The following STAB2 variants were observed in gnomAD, a reference collection of about 807,000 sequenced individuals.
STAB2 encodes the protein stabilin 2, also known as stabilin-2.
Under a neutral mutation model 338.1 loss-of-function variants are expected in STAB2, and 288 were observed. The ratio of observed to expected loss-of-function variants is 0.85; its 90% CI spans 0.77 to 0.94. The LOEUF (loss-of-function observed/expected upper bound fraction) is 0.94, where lower values mean the gene tolerates loss of function less well. Among genes scored for constraint, STAB2 ranks in the 40% least tolerant of loss-of-function variants. The pLI, the probability that STAB2 is intolerant of heterozygous loss-of-function variation, is 0.00. For synonymous variants in STAB2, 1,202 were observed against 1,193.3 expected (o/e 1.01, Z -0.15); for missense variants, 3,141 against 3,210.1 (o/e 0.98, Z 0.52).
intron 44 of STAB2, among the ~76,000 whole-genome samples, chr12:103,720,658 A>G (rs2139038403): frequency 6.6e-6 from 1 of 152,356 alleles, no homozygotes; most frequent in South Asian, 2.1e-4. Flanking sequence ...AAGTCCTACC[A>G]ACAAGGACTG....
In STAB2 at chr12:103,668,732, G is replaced by A. The variant is rs1201204709; in HGVS notation, c.2172+3G>A. ...GGTACTGCAATGCCACTGTGAAGGT[G>A]AGGAGCGCGTGGCCGAGGCCCAGTC... On this transcript the variant is annotated splice_donor_region_variant and intron_variant, in intron 20 of 68. Transcript: ENST00000388887. The A allele has an allele frequency of 5.2e-6, 8 of 1,541,316 alleles. No homozygotes were observed. The highest frequency in any genetic ancestry group is 6.1e-6 in the Non-Finnish European group (7 of 1,140,014).
Position 103,662,978 on chromosome 12 carries a change from A to G in STAB2, c.2002A>G (p.Thr668Ala). 3.1e-6 allele frequency: 5 copies of G among 1,614,134 alleles called. No homozygotes were observed. Among genetic ancestry groups the G allele is most frequent in the Non-Finnish European group, 4.2e-6 (5 of 1,180,006 alleles). Residue 668 changes from threonine to alanine, a missense_variant, in exon 18 of 69, where the codon ACA becomes GCA. Physicochemically the swap from Thr to Ala is moderately conservative, Grantham distance 58. Transcript: ENST00000388887. ...VPILPHRCDE[T>A]KREMKLGTCV... is the part of the protein sequence containing the mutation. ...GATTCTGCCCCATCGATGTGATGAA[A>G]CAAAGAGAGAGATGAAACTGGTAAG...
chr12:103,703,014 A>T, intron 34 of STAB2, 134 bp from the exon 35 acceptor site: 2 of 1,055,534 alleles, frequency 1.9e-6, no homozygotes, highest in Non-Finnish European at 2.6e-6. Context: ...TTTCCAATAC[A>T]AGTGACTATT....
chr12:103,763,851 G>A (rs1207613236), intron 68 of STAB2: 3 of 371,450 alleles, frequency 8.1e-6, no homozygotes, highest in Admixed American at 8.7e-5. Flanking sequence ...AGAACAAGAG[G>A]TTGTTATCCA....
intron 3 of STAB2, among the ~76,000 whole-genome samples, chr12:103,594,745 G>A (rs1302093886): frequency 1.3e-5 from 2 of 152,136 alleles, no homozygotes; most frequent in Admixed American, 6.6e-5. Flanking sequence ...CAGAAAAAGG[G>A]ACAATTGAAA....
At chr12:103,660,637 C>T (rs376086874) in intron 16 of STAB2, 46 bp from the exon 17 acceptor site, 2 of 1,584,418 alleles carry the variant, frequency 1.3e-6, no homozygotes, top group Non-Finnish European at 8.7e-7. Context: ...CAGGGCCCTG[C>T]GTGTGGTCCC....
At chr12:103,742,372 A>G (rs1882652284) in intron 55 of STAB2, 33 bp from the exon 56 acceptor site, 1 of 1,609,606 alleles carries the variant, frequency 6.2e-7, no homozygotes, top group South Asian at 1.1e-5. Context: ...GCTTTGGGAG[A>G]CTGTTGAGTC....
intron 59 of STAB2, among the ~76,000 whole-genome samples, chr12:103,749,872 A>AAG (rs58406423): frequency 2.3e-5 from 3 of 131,478 alleles, no homozygotes; most frequent in Non-Finnish European, 3.2e-5. Flanking sequence ...AAAAAAAAAA[A>AAG]GCTGGTAAGA....
In STAB2 at chr12:103,676,000, T is replaced by A. The variant is rs781070181; in HGVS notation, c.2625T>A (p.Thr875=). 9 of 1,608,708 alleles carry A rather than the reference T, an allele frequency of 5.6e-6. No individual in the cohort carries two copies. In the East Asian group the frequency reaches 1.8e-4, roughly 32 times the overall value. ...CSEMDPCTGL[T]PGGCSRNAEC... is the part of the protein sequence containing the mutation. ...AGATGGACCCTTGCACAGGACTAAC[T>A]CCAGGAGGCTGTAGCCGCAATGTGA... is the stretch of plus-strand genomic sequence containing the variant. Residue 875 remains threonine (T), a synonymous_variant, in exon 24 of 69, where the codon ACT becomes ACA. Coordinates refer to ENST00000388887, the MANE Select transcript of STAB2 (RefSeq NM_017564.10).
intron 3 of STAB2, among the ~76,000 whole-genome samples, chr12:103,608,598 A>G (rs1957071340): frequency 6.6e-6 from 1 of 152,210 alleles, no homozygotes; most frequent in South Asian, 2.1e-4. Flanking sequence ...CCTTTGTCAG[A>G]TAAGTAGATT....
Position 103,685,050 on chromosome 12 carries a change from G to GT in STAB2, c.2963_2964insT (p.Asp989ArgfsTer23), listed in dbSNP as rs1256103893. Reference sequence around the variant, plus strand: ...TGTGTTTGTCAAGAGGGCTATGAAGGAGATGGCTTTCTGTGCTATGGAAAC... The same window carrying GT: ...TGTGTTTGTCAAGAGGGCTATGAAGGTAGATGGCTTTCTGTGCTATGGAAAC... On this transcript the variant is annotated frameshift_variant, in exon 27 of 69. Coordinates refer to ENST00000388887, the MANE Select transcript of STAB2 (RefSeq NM_017564.10). LOFTEE classifies it high-confidence loss of function. 3 of 1,613,910 alleles carry GT rather than the reference G, an allele frequency of 1.9e-6. No individual in the cohort carries two copies. The African/African-American group carries it at 4.0e-5, about 22-fold the overall frequency.
intron 55 of STAB2, among the ~76,000 whole-genome samples, chr12:103,742,113 A>G (rs1882631944): frequency 6.6e-6 from 1 of 152,202 alleles, no homozygotes; most frequent in Admixed American, 6.5e-5. Flanking sequence ...AGATCTAAGA[A>G]AACAAAAGCT....
chr12:103,683,136 T>C, intron 25 of STAB2, 69 bp from the exon 26 acceptor site: 1 of 1,376,452 alleles, frequency 7.3e-7, no homozygotes, highest in Non-Finnish European at 1.0e-6. Flanking sequence ...TTCTCAGTGC[T>C]GTGTGAGGGA....
Position 103,741,581 on chromosome 12 carries a change from G to C in STAB2, c.5882-824G>C, listed in dbSNP as rs144171653. 3.5e-4 allele frequency among the ~76,000 whole-genome samples: 53 copies of C among 152,280 alleles called. No individual in the cohort carries two copies. The East Asian group carries it at 9.7e-3, about 28-fold the overall frequency. On this transcript the variant is annotated intron_variant, in intron 55 of 68. Transcript: ENST00000388887. Reference sequence around the variant, plus strand: ...TGATCTTCTCACCTCAGCCTCTCAAGTAGCTGGGACTACAGGCACATGCCA... The same window carrying C: ...TGATCTTCTCACCTCAGCCTCTCAACTAGCTGGGACTACAGGCACATGCCA...
chr12:103,733,486 G>A (rs1160157867), intron 51 of STAB2, among the ~76,000 whole-genome samples: 1 of 152,026 alleles, frequency 6.6e-6, no homozygotes, highest in Non-Finnish European at 1.5e-5. Context: ...TAGTTCTCCT[G>A]GCAAAATGGC....
At chr12:103,598,533 G>A (rs981171557) in intron 3 of STAB2, among the ~76,000 whole-genome samples, 1 of 152,098 alleles carries the variant, frequency 6.6e-6, no homozygotes, top group African/African-American at 2.4e-5. Flanking sequence ...TATATAATAT[G>A]TCTTTCAAGC....
In STAB2 at chr12:103,638,091, G is replaced by A. The variant is rs1206167637; in HGVS notation, c.785G>A (p.Cys262Tyr). 3 of 1,614,184 alleles carry A rather than the reference G, an allele frequency of 1.9e-6. No homozygotes were observed. The highest frequency in any genetic ancestry group is 2.5e-6 in the Non-Finnish European group (3 of 1,180,038). The stretch of plus-strand genomic sequence containing the variant: ...TACCTGGGACCAAATCGGCACAGTT[G>A]TACATGCCAAGAAGGCTACCGTGGG... ...CTYLGPNRHS[C>Y]TCQEGYRGDG... The change falls in exon 8 of 69, where the codon TGT (cysteine) becomes TAT (tyrosine). Residue 262 changes from cysteine to tyrosine, a missense_variant. Transcript: ENST00000388887.
At chr12:103,709,600 G>A (rs1263083757) in intron 39 of STAB2, among the ~76,000 whole-genome samples, 1 of 152,192 alleles carries the variant, frequency 6.6e-6, no homozygotes, top group Non-Finnish European at 1.5e-5. Context: ...GACAGAGGGG[G>A]CGTCTTTGCC....
intron 3 of STAB2, among the ~76,000 whole-genome samples, chr12:103,613,099 T>C (rs1485271995): frequency 6.6e-6 from 1 of 152,186 alleles, no homozygotes; most frequent in African/African-American, 2.4e-5. Context: ...CTGCCCCTAC[T>C]GGGTGGTGCC....
Sources: gnomAD v4.1 joint callset for allele counts (sites outside exome capture counted in the v4.1 genomes callset) on GRCh38, gnomAD v4.1.1 for gene constraint, MANE v1.5 for transcripts, NCBI Gene and HGNC (gene_info 2026-07-23, HGNC 2026-07-21) for gene names.